The following MECOM variants were observed in gnomAD, a reference collection of about 807,000 sequenced individuals.
MECOM encodes the protein histone-lysine N-methyltransferase MECOM.
MECOM carries 13 observed loss-of-function variants against 116.3 expected under a neutral mutation model. That is an observed-to-expected ratio of 0.11 (90% CI 0.07 to 0.18). MECOM has a LOEUF of 0.18. Among genes scored for constraint, MECOM ranks in the 10% least tolerant of loss-of-function variants. The pLI is 1.00. For missense variants in MECOM, 1,299 were observed against 1,509.0 expected (o/e 0.86, Z 2.31); for synonymous variants, 528 against 535.2 (o/e 0.99, Z 0.19).
intron 1 of MECOM, among the ~76,000 whole-genome samples, chr3:169,418,270 C>T (rs1578040550): frequency 6.6e-6 from 1 of 151,684 alleles, no homozygotes; most frequent in Non-Finnish European, 1.5e-5. Context: ...GGCTACCAAC[C>T]AAAAAAAGCC....
Position 169,443,558 on chromosome 3 carries a change from T to A in MECOM, c.38-62034A>T, listed in dbSNP as rs1375389146. ...CCTTCTCTATCTGCCCTCAAATAGTTAAGGCTTTAACCTGTCTTCTGTTCC... is the reference window on the plus strand; with the variant it reads ...CCTTCTCTATCTGCCCTCAAATAGTAAAGGCTTTAACCTGTCTTCTGTTCC... On this transcript the variant is annotated intron_variant, in intron 1 of 16. Coordinates refer to ENST00000651503, the MANE Select transcript of MECOM (RefSeq NM_004991.4). Among the ~76,000 whole-genome samples the A allele has an allele frequency of 3.9e-5, 6 of 152,224 alleles. 1 individual carries two copies. Among genetic ancestry groups the A allele is most frequent in the Non-Finnish European group, 1.5e-5 (1 of 68,032 alleles).
chr3:169,648,069 A>G (rs1371223513), intron 1 of MECOM, among the ~76,000 whole-genome samples: 1 of 152,218 alleles, frequency 6.6e-6, no homozygotes, highest in Non-Finnish European at 1.5e-5. Flanking sequence ...CCTCTTAGGA[A>G]AGTTATTAGT....
At chr3:169,156,040 G>C (rs574932013) in intron 2 of MECOM, among the ~76,000 whole-genome samples, 3 of 152,132 alleles carry the variant, frequency 2.0e-5, no homozygotes, top group Non-Finnish European at 4.4e-5. Flanking sequence ...CCTGTATACT[G>C]TTTGATGGCA....
chr3:169,459,938 ATCT>A (rs1159930760), intron 1 of MECOM, among the ~76,000 whole-genome samples: 1 of 152,178 alleles, frequency 6.6e-6, no homozygotes. Context: ...ACTAAAGTTA[ATCT>A]TCTTAACTCT....
chr3:169,314,042 A>G (rs1243982948), intron 2 of MECOM, among the ~76,000 whole-genome samples: 1 of 152,322 alleles, frequency 6.6e-6, no homozygotes, highest in African/African-American at 2.4e-5. Context: ...TTATGGACCC[A>G]GTCCCATCTT....
At chr3:169,189,964 A>G (rs1747301530) in intron 2 of MECOM, among the ~76,000 whole-genome samples, 1 of 151,890 alleles carries the variant, frequency 6.6e-6, no homozygotes, top group African/African-American at 2.4e-5. Flanking sequence ...CATGTTTATG[A>G]TATCTGAACT....
intron 2 of MECOM, among the ~76,000 whole-genome samples, chr3:169,287,949 T>G (rs1713687875): frequency 6.6e-6 from 1 of 152,194 alleles, no homozygotes; most frequent in Non-Finnish European, 1.5e-5. Context: ...TGATAAAAGT[T>G]TTACAAAATA....
intron 1 of MECOM, among the ~76,000 whole-genome samples, chr3:169,548,356 T>C: frequency 1.3e-5 from 2 of 152,328 alleles, no homozygotes; most frequent in South Asian, 4.1e-4. Context: ...GGCAGTGGTC[T>C]TTTTTCCTTT....
At chr3:169,265,685 A>G (rs1758190307) in intron 2 of MECOM, among the ~76,000 whole-genome samples, 1 of 152,236 alleles carries the variant, frequency 6.6e-6, no homozygotes. Context: ...ACAATAAGTT[A>G]ATAACGCATA....
intron 2 of MECOM, among the ~76,000 whole-genome samples, chr3:169,161,917 C>G (rs1577218068): frequency 6.6e-6 from 1 of 152,286 alleles, no homozygotes; most frequent in East Asian, 1.9e-4. Context: ...TATCCAGCCT[C>G]AGTCCCATTT....
In MECOM at chr3:169,532,259, T is replaced by C. The variant is rs536821245; in HGVS notation, c.37+131077A>G. ...GAATCTGCACTTCTAACAAGTTCAC[T>C]TGGGTAAGGCTGATGCTGATGCTGC... On this transcript the variant is annotated intron_variant, in intron 1 of 16. Coordinates refer to ENST00000651503, the MANE Select transcript of MECOM (RefSeq NM_004991.4). Among the ~76,000 whole-genome samples, 12 of 152,308 alleles carry C rather than the reference T, an allele frequency of 7.9e-5. No homozygotes were observed. In the South Asian group the frequency reaches 1.9e-3, roughly 24 times the overall value.
intron 1 of MECOM, among the ~76,000 whole-genome samples, chr3:169,551,245 G>A (rs544855549): frequency 6.6e-6 from 1 of 152,132 alleles, no homozygotes; most frequent in East Asian, 1.9e-4. Context: ...ACTTCTATGT[G>A]CACCATCCAT....
intron 2 of MECOM, among the ~76,000 whole-genome samples, chr3:169,305,284 T>G (rs1717460724): frequency 6.6e-6 from 1 of 152,166 alleles, no homozygotes; most frequent in Non-Finnish European, 1.5e-5. Context: ...GCTCACTGAG[T>G]GCTTTAATCT....
chr3:169,242,737 G>A (rs1755042034), intron 2 of MECOM, among the ~76,000 whole-genome samples: 1 of 152,156 alleles, frequency 6.6e-6, no homozygotes, highest in Non-Finnish European at 1.5e-5. Flanking sequence ...TGGCCTTGGT[G>A]ATCCTACTCT....
At chr3:169,572,977 G>C (rs1301653809) in intron 1 of MECOM, among the ~76,000 whole-genome samples, 2 of 148,792 alleles carry the variant, frequency 1.3e-5, no homozygotes, top group African/African-American at 4.9e-5. Context: ...TAAAGTATAA[G>C]AAAAAAAAAA....
chr3:169,175,167 C>A (rs991998970), intron 2 of MECOM, among the ~76,000 whole-genome samples: 1 of 152,154 alleles, frequency 6.6e-6, no homozygotes, highest in Non-Finnish European at 1.5e-5. Context: ...CCCGCACTTA[C>A]AACATATCAG....
At chr3:169,565,123 T>C (rs1763076869) in intron 1 of MECOM, among the ~76,000 whole-genome samples, 1 of 152,114 alleles carries the variant, frequency 6.6e-6, no homozygotes, top group Admixed American at 6.5e-5. Flanking sequence ...TGGCTGAGTG[T>C]GCTGCCCAAG....
intron 2 of MECOM, among the ~76,000 whole-genome samples, chr3:169,271,056 C>A (rs1452080278): frequency 1.3e-5 from 2 of 152,194 alleles, no homozygotes; most frequent in African/African-American, 4.8e-5. Flanking sequence ...TAGACAGTAA[C>A]AAAGACAAGT....
intron 1 of MECOM, among the ~76,000 whole-genome samples, chr3:169,550,575 C>T (rs1576832339): frequency 6.6e-6 from 1 of 152,220 alleles, no homozygotes; most frequent in Non-Finnish European, 1.5e-5. Context: ...GCATTACCTG[C>T]TTGTGCTTAA....
Sources: allele counts gnomAD v4.1 joint callset (sites outside exome capture counted in the v4.1 genomes callset), GRCh38; gene constraint gnomAD v4.1.1; transcripts MANE v1.5; gene names NCBI Gene and HGNC (gene_info 2026-07-23, HGNC 2026-07-21).